The following CCDC91 variants were observed in gnomAD, a reference collection of about 807,000 sequenced individuals.
The protein encoded by CCDC91 is coiled-coil domain-containing protein 91.
A neutral mutation model predicts 63.2 loss-of-function variants in CCDC91; 48 were observed. That is an observed-to-expected ratio of 0.76 (90% CI 0.60 to 0.97). The LOEUF (loss-of-function observed/expected upper bound fraction) is 0.97. Among genes scored for constraint, CCDC91 ranks in the 50% least tolerant of loss-of-function variants. The pLI, the probability that CCDC91 is intolerant of heterozygous loss-of-function variation, is 0.00. For missense variants in CCDC91, 500 were observed against 494.6 expected (o/e 1.01, Z -0.10); for synonymous variants, 167 against 165.8 (o/e 1.01, Z -0.06).
At position 28,398,720 on chromosome 12, in the gene CCDC91, G is replaced by A. The variant is rs150067599; in HGVS notation, c.762+7309G>A. Among the ~76,000 whole-genome samples, 86 of 152,252 alleles carry A rather than the reference G, an allele frequency of 5.6e-4. No individual in the cohort carries two copies. In the East Asian group the frequency reaches 0.016, roughly 29 times the overall value. The stretch of plus-strand genomic sequence containing the variant: ...TTAGCCAGCTTTGGGGGAATGGGGT[G>A]TGGTATTTCATCTCATTGCACTTAT... On this transcript the variant is annotated intron_variant, in intron 8 of 12. Transcript: ENST00000536442.
chr12:28,283,530 G>A (rs1948732038), intron 3 of CCDC91, among the ~76,000 whole-genome samples: 1 of 143,884 alleles, frequency 7.0e-6, no homozygotes, highest in African/African-American at 2.4e-5. Flanking sequence ...GTGTATAGCA[G>A]TGGCACATTT....
intron 8 of CCDC91, among the ~76,000 whole-genome samples, chr12:28,428,565 G>A (rs1472495497): frequency 6.8e-5 from 6 of 88,524 alleles, no homozygotes; most frequent in Middle Eastern, 0.014. Context: ...GTGAAACTCC[G>A]TCTCTCCCCA....
intron 3 of CCDC91, among the ~76,000 whole-genome samples, chr12:28,261,360 T>A (rs1008675140): frequency 1.6e-4 from 24 of 151,870 alleles, no homozygotes; most frequent in African/African-American, 5.8e-4. Flanking sequence ...ATAGATAGAA[T>A]AAGGCTGAGT....
chr12:28,433,956 G>A (rs945549621), intron 8 of CCDC91, among the ~76,000 whole-genome samples: 11 of 151,898 alleles, frequency 7.2e-5, no homozygotes, highest in African/African-American at 2.2e-4. Flanking sequence ...TTGGAGACTA[G>A]TGTAAATAGT....
chr12:28,526,916 T>C (rs1214325554), intron 12 of CCDC91, among the ~76,000 whole-genome samples: 2 of 152,042 alleles, frequency 1.3e-5, no homozygotes, highest in Non-Finnish European at 2.9e-5. Flanking sequence ...TTCCAGAGCA[T>C]TTTGTATTTC....
intron 12 of CCDC91, among the ~76,000 whole-genome samples, chr12:28,491,761 G>A (rs1375809173): frequency 1.3e-5 from 2 of 151,424 alleles, no homozygotes; most frequent in Non-Finnish European, 2.9e-5. Context: ...GAATATCTTG[G>A]CTCATAAAGC....
chr12:28,495,267 A>G (rs1240835692), intron 12 of CCDC91, among the ~76,000 whole-genome samples: 1 of 151,708 alleles, frequency 6.6e-6, no homozygotes, highest in Non-Finnish European at 1.5e-5. Context: ...AGGACTGGAC[A>G]TTGGGGAAGA....
chr12:28,234,404 T>G (rs1393792970), intron 1 of CCDC91, among the ~76,000 whole-genome samples: 1 of 152,200 alleles, frequency 6.6e-6, no homozygotes, highest in Non-Finnish European at 1.5e-5. Flanking sequence ...CAGAATTTTT[T>G]TAAAAAGCAA....
chr12:28,311,790 C>T (rs572053312), intron 6 of CCDC91, among the ~76,000 whole-genome samples: 52 of 151,698 alleles, frequency 3.4e-4, no homozygotes, highest in African/African-American at 1.3e-3. Flanking sequence ...CTAGATTGTG[C>T]CTTTCATGGA....
intron 11 of CCDC91, among the ~76,000 whole-genome samples, chr12:28,469,391 A>G (rs1950698591): frequency 6.6e-6 from 1 of 152,088 alleles, no homozygotes; most frequent in African/African-American, 2.4e-5. Context: ...CAAGTGAAAG[A>G]GCTCCACAAT....
intron 12 of CCDC91, among the ~76,000 whole-genome samples, chr12:28,503,831 A>G (rs1938314928): frequency 6.6e-6 from 1 of 152,090 alleles, no homozygotes. Flanking sequence ...AAACTATCAC[A>G]AGGACAAAAA....
At chr12:28,392,205 G>T (rs1945990966) in intron 8 of CCDC91, among the ~76,000 whole-genome samples, 1 of 152,124 alleles carries the variant, frequency 6.6e-6, no homozygotes, top group Admixed American at 6.6e-5. Flanking sequence ...CAATTATACT[G>T]TTTTAGGTAG....
chr12:28,305,696 C>G lies in CCDC91; in HGVS notation c.157C>G (p.Arg53Gly). The stretch of plus-strand genomic sequence containing the variant: ...ATCTTCTCCTGAGATTGTACTGGAC[C>G]GTGACCACTCTTCTTCCATTGGCTG... ...SPSSPEIVLD[R>G]DHSSSIGCLS... Residue 53 changes from arginine to glycine, a missense_variant, in exon 4 of 13, where the codon CGT becomes GGT. Coordinates refer to ENST00000536442, the MANE Select transcript of CCDC91 (RefSeq NM_018318.5). 1 of 1,613,142 alleles carries G rather than the reference C, an allele frequency of 6.2e-7. No individual in the cohort carries two copies. Among genetic ancestry groups the G allele is most frequent in the South Asian group, 1.1e-5 (1 of 91,052 alleles).
intron 8 of CCDC91, among the ~76,000 whole-genome samples, chr12:28,427,868 T>C (rs796160854): frequency 9.8e-5 from 15 of 152,348 alleles, no homozygotes; most frequent in African/African-American, 1.7e-4. Flanking sequence ...TTATCTACTT[T>C]AGCAGTTTTT....
intron 1 of CCDC91, among the ~76,000 whole-genome samples, chr12:28,234,342 G>A (rs1944791437): frequency 6.6e-6 from 1 of 152,006 alleles, no homozygotes; most frequent in African/African-American, 2.4e-5. Context: ...TGAGACAGTT[G>A]CAAAATAGTC....
chr12:28,248,601 A>G (rs1395543560), intron 1 of CCDC91, among the ~76,000 whole-genome samples: 1 of 152,232 alleles, frequency 6.6e-6, no homozygotes, highest in East Asian at 1.9e-4. Context: ...AGAAGAAAAG[A>G]CTAATCAAAT....
intron 1 of CCDC91, among the ~76,000 whole-genome samples, chr12:28,213,762 T>C (rs1259047587): frequency 6.6e-6 from 1 of 152,154 alleles, no homozygotes; most frequent in Admixed American, 6.5e-5. Context: ...GCAAAAGAAA[T>C]GTGGCAGTGG....
chr12:28,270,716 A>AT (rs902901978), intron 3 of CCDC91, among the ~76,000 whole-genome samples: 4 of 152,132 alleles, frequency 2.6e-5, no homozygotes, highest in Non-Finnish European at 5.9e-5. Context: ...AAACACAAGT[A>AT]TTTTGCGTCG....
At chr12:28,278,144 G>C (rs1024031023) in intron 3 of CCDC91, among the ~76,000 whole-genome samples, 1 of 151,936 alleles carries the variant, frequency 6.6e-6, no homozygotes, top group Non-Finnish European at 1.5e-5. Flanking sequence ...CCCAAATTTT[G>C]AAGTGACTGT....
Sources: gnomAD v4.1 joint callset for allele counts (sites outside exome capture counted in the v4.1 genomes callset) on GRCh38, gnomAD v4.1.1 for gene constraint, MANE v1.5 for transcripts, NCBI Gene and HGNC (gene_info 2026-07-23, HGNC 2026-07-21) for gene names.